Variants in CDYL2 observed in about 807,000 individuals in gnomAD.
The protein encoded by CDYL2 is chromodomain Y like 2.
In CDYL2, 23 loss-of-function variants were observed where a neutral mutation model predicts 49.4. That is an observed-to-expected ratio of 0.47 (90% CI 0.34 to 0.66). CDYL2 has a LOEUF of 0.66. CDYL2 is among the 30% of genes least tolerant of loss of function. The probability of loss-of-function intolerance (pLI) is 0.01; values close to 1 mark genes in which losing one functional copy is unlikely to be tolerated. For missense variants in CDYL2, 678 were observed against 656.4 expected, an observed-to-expected ratio of 1.03 and a Z score of -0.36; for synonymous variants, 360 against 268.8, an observed-to-expected ratio of 1.34 and a Z score of -3.32.
At chr16:80,663,618 G>C (rs1909139830) in intron 2 of CDYL2, among the ~76,000 whole-genome samples, 1 of 151,952 alleles carries the variant, frequency 6.6e-6, no homozygotes, top group Non-Finnish European at 1.5e-5. Context: ...TTGAGACAGA[G>C]TTTCATTCTT....
chr16:80,781,797 C>T (rs528524149), intron 1 of CDYL2, among the ~76,000 whole-genome samples: 1 of 151,902 alleles, frequency 6.6e-6, no homozygotes, highest in Non-Finnish European at 1.5e-5. Flanking sequence ...ATTAAAACAA[C>T]CAATGTGTCA....
chr16:80,666,591 C>T (rs1480713717), intron 2 of CDYL2, among the ~76,000 whole-genome samples: 1 of 152,146 alleles, frequency 6.6e-6, no homozygotes, highest in Non-Finnish European at 1.5e-5. Context: ...ACAACAATCA[C>T]CAGATGAGCC....
chr16:80,741,110 C>G (rs1462991974), intron 1 of CDYL2, among the ~76,000 whole-genome samples: 1 of 150,326 alleles, frequency 6.7e-6, no homozygotes. Flanking sequence ...AGTAAGTAAG[C>G]ATAGACAAAA....
chr16:80,767,081 T>C (rs546140306), intron 1 of CDYL2, among the ~76,000 whole-genome samples: 4 of 152,018 alleles, frequency 2.6e-5, no homozygotes, highest in African/African-American at 9.7e-5. Flanking sequence ...AACCTGCACA[T>C]TGCTCACATA....
intron 1 of CDYL2, among the ~76,000 whole-genome samples, chr16:80,719,800 C>T (rs1198069937): frequency 6.6e-6 from 1 of 152,172 alleles, no homozygotes; most frequent in African/African-American, 2.4e-5. Flanking sequence ...GTTCACAGCC[C>T]GTGTCTGTCC....
intron 2 of CDYL2, among the ~76,000 whole-genome samples, chr16:80,654,051 A>G (rs1908700281): frequency 1.3e-5 from 2 of 152,302 alleles, no homozygotes; most frequent in South Asian, 4.1e-4. Flanking sequence ...ATTTCTGCCA[A>G]TGAAGTGAGT....
At chr16:80,658,355 A>T (rs1908898188) in intron 2 of CDYL2, among the ~76,000 whole-genome samples, 1 of 152,224 alleles carries the variant, frequency 6.6e-6, no homozygotes, top group Admixed American at 6.5e-5. Context: ...TTTCAAAGGA[A>T]TAACATAACC....
intron 1 of CDYL2, among the ~76,000 whole-genome samples, chr16:80,766,625 G>A (rs892908758): frequency 1.3e-5 from 2 of 152,162 alleles, no homozygotes; most frequent in African/African-American, 4.8e-5. Context: ...TACAAATGGA[G>A]AAACTAAGAT....
At chr16:80,743,663 TTTTGTTTG>T (rs570463936) in intron 1 of CDYL2, among the ~76,000 whole-genome samples, 2 of 152,324 alleles carry the variant, frequency 1.3e-5, no homozygotes, top group African/African-American at 2.4e-5. Context: ...TTTCTCTGTT[TTTTGTTTG>T]TTTGTTTGTT....
At chr16:80,667,678 G>C (rs369165372) in intron 2 of CDYL2, among the ~76,000 whole-genome samples, 11 of 152,150 alleles carry the variant, frequency 7.2e-5, no homozygotes, top group African/African-American at 2.4e-5. Context: ...TATGTAAAGT[G>C]ATTTTAAAAA....
chr16:80,635,374 G>A (rs902793122), intron 2 of CDYL2, among the ~76,000 whole-genome samples: 1 of 152,118 alleles, frequency 6.6e-6, no homozygotes, highest in Admixed American at 6.5e-5. Context: ...CAAAGTCTCA[G>A]GATACAAAAT....
intron 1 of CDYL2, among the ~76,000 whole-genome samples, chr16:80,702,106 C>T (rs1904304404): frequency 1.3e-5 from 2 of 151,878 alleles, no homozygotes; most frequent in Admixed American, 1.3e-4. Context: ...CAAACCCCCA[C>T]TTCACAGTAG....
chr16:80,762,367 G>C (rs1906561930), intron 1 of CDYL2, among the ~76,000 whole-genome samples: 1 of 152,152 alleles, frequency 6.6e-6, no homozygotes, highest in Non-Finnish European at 1.5e-5. Context: ...GGTGAGCCAG[G>C]CTTCAACGGG....
chr16:80,723,914 G>C (rs561097208), intron 1 of CDYL2, among the ~76,000 whole-genome samples: 4 of 150,888 alleles, frequency 2.7e-5, no homozygotes, highest in African/African-American at 7.3e-5. Context: ...TGGGGGGAAG[G>C]AGGAGAAGGA....
intron 2 of CDYL2, among the ~76,000 whole-genome samples, chr16:80,651,482 G>T (rs1908579957): frequency 6.6e-6 from 1 of 152,062 alleles, no homozygotes; most frequent in African/African-American, 2.4e-5. Flanking sequence ...AGACTTTTTA[G>T]GGCAGTTAAA....
chr16:80,653,624 T>C (rs535240822), intron 2 of CDYL2, among the ~76,000 whole-genome samples: 2 of 152,236 alleles, frequency 1.3e-5, no homozygotes, highest in African/African-American at 4.8e-5. Flanking sequence ...GATACAGGCA[T>C]GTAATGTGAG....
At chr16:80,638,231 C>T (rs887282518) in intron 2 of CDYL2, among the ~76,000 whole-genome samples, 2 of 152,120 alleles carry the variant, frequency 1.3e-5, no homozygotes, top group Non-Finnish European at 2.9e-5. Flanking sequence ...TGTGGTAACA[C>T]ACCTGGCTAT....
chr16:80,777,900 TACTC>T (rs1907141474), intron 1 of CDYL2, among the ~76,000 whole-genome samples: 3 of 151,940 alleles, frequency 2.0e-5, no homozygotes, highest in Admixed American at 2.0e-4. Context: ...AAAAAAGAGA[TACTC>T]AATACTAAAA....
intron 2 of CDYL2, among the ~76,000 whole-genome samples, chr16:80,678,300 A>T (rs896567243): frequency 6.6e-6 from 1 of 152,174 alleles, no homozygotes; most frequent in Non-Finnish European, 1.5e-5. Context: ...ACAGCAAAAG[A>T]AACTACCATC....
Sources: allele counts gnomAD v4.1 joint callset (sites outside exome capture counted in the v4.1 genomes callset), GRCh38; gene constraint gnomAD v4.1.1; transcripts MANE v1.5; gene names NCBI Gene and HGNC (gene_info 2026-07-23, HGNC 2026-07-21).